The following TYR variants were observed in gnomAD, a reference collection of about 807,000 sequenced individuals.
TYR encodes the protein LB24-AB.
A neutral mutation model predicts 51.5 loss-of-function variants in TYR; 58 were observed. The ratio of observed to expected loss-of-function variants is 1.13; its 90% confidence interval spans 0.91 to 1.40. The LOEUF (loss-of-function observed/expected upper bound fraction) is 1.40, where lower values mean the gene tolerates loss of function less well. Ranked by LOEUF, TYR falls within the 40% of genes most tolerant of loss-of-function variation. TYR has a pLI of 0.00. For synonymous variants in TYR, 263 were observed against 235.2 expected (o/e 1.12, Z -1.08); for missense variants, 732 against 647.4 (o/e 1.13, Z -1.42).
intron 3 of TYR, among the ~76,000 whole-genome samples, chr11:89,260,113 A>G (rs1214083777): frequency 1.3e-5 from 2 of 152,058 alleles, no homozygotes; most frequent in African/African-American, 4.8e-5. Flanking sequence ...TTTTAATTCA[A>G]TGGAATGAGC....
chr11:89,220,603 C>A (rs375495984), intron 2 of TYR, among the ~76,000 whole-genome samples: 1 of 151,990 alleles, frequency 6.6e-6, no homozygotes, highest in Non-Finnish European at 1.5e-5. Flanking sequence ...AGAGTTACTA[C>A]GAAGATAGCC....
chr11:89,212,816 T>C (rs560618025), intron 2 of TYR, among the ~76,000 whole-genome samples: 1 of 152,272 alleles, frequency 6.6e-6, no homozygotes, highest in African/African-American at 2.4e-5. Flanking sequence ...ATCCATCACA[T>C]AAACAGAACC....
chr11:89,286,004 C>G (rs1944781794), intron 4 of TYR, among the ~76,000 whole-genome samples: 1 of 151,774 alleles, frequency 6.6e-6, no homozygotes, highest in Non-Finnish European at 1.5e-5. Flanking sequence ...TGCTCAAATC[C>G]AGTGATACAT....
Position 89,284,837 on chromosome 11 carries a change from C to T in TYR, c.1249C>T (p.Pro417Ser), listed in dbSNP as rs751185747. 1 of 1,611,722 alleles carries T rather than the reference C, an allele frequency of 6.2e-7. No individual in the cohort carries two copies. The highest frequency in any genetic ancestry group is 1.3e-5 in the African/African-American group (1 of 74,744). Reference protein sequence around the residue: ...LQEVYPEANAPIGHNRESYMV... With the variant: ...LQEVYPEANASIGHNRESYMV... ...AGAAGTTTATCCAGAAGCCAATGCA[C>T]CCATTGGACATAACCGGGAATCCTA... Residue 417 changes from proline to serine, a missense_variant, in exon 4 of 5, where the codon CCC becomes TCC. Coordinates refer to ENST00000263321, the MANE Select transcript of TYR (RefSeq NM_000372.5).
At chr11:89,184,596 T>C (rs959968121) in intron 1 of TYR, among the ~76,000 whole-genome samples, 10 of 152,140 alleles carry the variant, frequency 6.6e-5, no homozygotes, top group Non-Finnish European at 1.5e-4. Flanking sequence ...CAATTATATA[T>C]GGATAAAAGG....
intron 3 of TYR, among the ~76,000 whole-genome samples, chr11:89,263,114 T>C (rs1944482596): frequency 2.0e-5 from 3 of 151,392 alleles, no homozygotes; most frequent in Non-Finnish European, 2.9e-5. Context: ...CTAAGCAAAA[T>C]ACTGAAAAAC....
At chr11:89,246,205 A>G (rs535157476) in intron 3 of TYR, among the ~76,000 whole-genome samples, 1 of 152,212 alleles carries the variant, frequency 6.6e-6, no homozygotes, top group African/African-American at 2.4e-5. Flanking sequence ...GTGAAGAGGA[A>G]TCCTGTAGTG....
intron 3 of TYR, among the ~76,000 whole-genome samples, chr11:89,245,835 T>C (rs1264023165): frequency 6.6e-6 from 1 of 151,264 alleles, no homozygotes; most frequent in Admixed American, 6.6e-5. Context: ...GGCAGGAGAA[T>C]GGAGTGAACC....
chr11:89,241,854 T>C (rs1322054288), intron 3 of TYR, among the ~76,000 whole-genome samples: 1 of 148,788 alleles, frequency 6.7e-6, no homozygotes, highest in African/African-American at 2.4e-5. Context: ...ATTAATATAA[T>C]AGTGAAATTG....
chr11:89,262,343 G>C (rs1051001565), intron 3 of TYR, among the ~76,000 whole-genome samples: 1 of 152,036 alleles, frequency 6.6e-6, no homozygotes, highest in African/African-American at 2.4e-5. Context: ...ACAGGCATGA[G>C]CCACTGTGCC....
chr11:89,197,043 T>C (rs1437358295), intron 2 of TYR, among the ~76,000 whole-genome samples: 1 of 152,174 alleles, frequency 6.6e-6, no homozygotes, highest in Non-Finnish European at 1.5e-5. Context: ...CCAGAAATAT[T>C]TCCTAAGGAG....
chr11:89,250,838 C>T (rs114158489), intron 3 of TYR, among the ~76,000 whole-genome samples: 12 of 151,908 alleles, frequency 7.9e-5, no homozygotes, highest in African/African-American at 2.9e-4. Context: ...ACAAATGTTG[C>T]AGGGAAGCAA....
At chr11:89,233,538 A>G (rs924588681) in intron 3 of TYR, among the ~76,000 whole-genome samples, 1 of 140,282 alleles carries the variant, frequency 7.1e-6, no homozygotes, top group African/African-American at 2.8e-5. Flanking sequence ...AGGAATCACT[A>G]TCTATGGAAT....
chr11:89,274,634 C>A (rs964314149), intron 3 of TYR, among the ~76,000 whole-genome samples: 1 of 151,842 alleles, frequency 6.6e-6, no homozygotes, highest in South Asian at 2.1e-4. Flanking sequence ...TATCTTCTCT[C>A]TCCTCACAAA....
intron 3 of TYR, among the ~76,000 whole-genome samples, chr11:89,260,721 T>A (rs1014487353): frequency 6.6e-6 from 1 of 152,126 alleles, no homozygotes; most frequent in Non-Finnish European, 1.5e-5. Context: ...AGAAAATATA[T>A]AAGGCTATAA....
Position 89,295,584 on chromosome 11 carries a change from C to A in TYR, c.*218C>A. 1 of 572,872 alleles carries A rather than the reference C, an allele frequency of 1.7e-6. No homozygotes were observed. Among genetic ancestry groups the A allele is most frequent in the Non-Finnish European group, 3.1e-6 (1 of 324,396 alleles). The allele number at this position is 572,872 out of a possible 1,614,324, so 35.5% of individuals were successfully genotyped here. On this transcript the variant is annotated 3_prime_UTR_variant, in exon 5 of 5. Transcript: ENST00000263321. ...CCCTTTTAACATTTTCCCCTAAGCC[C>A]ATATGTCTAAGGAAAGGATGCTATT...
chr11:89,229,627 A>G (rs1025168777), intron 3 of TYR, among the ~76,000 whole-genome samples: 25 of 152,062 alleles, frequency 1.6e-4, no homozygotes, highest in African/African-American at 5.6e-4. Context: ...TTTACTGATG[A>G]TCTGCCCTTA....
At chr11:89,257,014 C>T (rs972307456) in intron 3 of TYR, among the ~76,000 whole-genome samples, 11 of 151,856 alleles carry the variant, frequency 7.2e-5, no homozygotes, top group Non-Finnish European at 1.6e-4. Context: ...AATGATAATG[C>T]TGATTCTTGG....
chr11:89,220,124 G>T (rs930963001), intron 2 of TYR, among the ~76,000 whole-genome samples: 1 of 151,304 alleles, frequency 6.6e-6, no homozygotes, highest in Non-Finnish European at 1.5e-5. Context: ...TTGCTTTAAA[G>T]AAATCTCAGA....
Sources: allele counts gnomAD v4.1 joint callset (sites outside exome capture counted in the v4.1 genomes callset), GRCh38; gene constraint gnomAD v4.1.1; transcripts MANE v1.5; gene names NCBI Gene and HGNC (gene_info 2026-07-23, HGNC 2026-07-21).